GPATCH8: variants seen among roughly 807,000 people sequenced by gnomAD.
GPATCH8 encodes the protein G-patch domain containing 8.
GPATCH8 carries 18 observed loss-of-function variants against 118.3 expected under a neutral mutation model. The ratio of observed to expected loss-of-function variants is 0.15; its 90% CI spans 0.11 to 0.23. GPATCH8 has a LOEUF of 0.23. Among genes scored for constraint, GPATCH8 ranks in the 10% least tolerant of loss-of-function variants. The probability of loss-of-function intolerance (pLI) is 1.00; values close to 1 mark genes in which losing one functional copy is unlikely to be tolerated. For missense variants in GPATCH8, 1,631 were observed against 1,873.8 expected (o/e 0.87, Z 2.39); for synonymous variants, 659 against 684.7 (o/e 0.96, Z 0.59).
intron 3 of GPATCH8, among the ~76,000 whole-genome samples, chr17:44,446,175 C>G (rs2050873520): frequency 6.6e-6 from 1 of 151,746 alleles, no homozygotes; most frequent in Non-Finnish European, 1.5e-5. Flanking sequence ...GTTTCAAACT[C>G]CTAGCCTCGA....
At chr17:44,418,632 T>C (rs2143838226) in intron 6 of GPATCH8, among the ~76,000 whole-genome samples, 2 of 152,236 alleles carry the variant, frequency 1.3e-5, no homozygotes, top group Admixed American at 1.3e-4. Flanking sequence ...TTTGTATTTT[T>C]AGTAGAGAGG....
At position 44,396,379 on chromosome 17, in the gene GPATCH8, A is replaced by G. The variant is rs1337842627; in HGVS notation, c.*1189T>C. On this transcript the variant is annotated 3_prime_UTR_variant, in exon 8 of 8. Transcript: ENST00000591680. ...ACTGTTAAAGATGAGCATCCCTCAG[A>G]AGCCCCCAGCTGACTGCTGCCCATT... 6.6e-6 allele frequency: 3 copies of G among 454,428 alleles called. No homozygotes were observed. Among genetic ancestry groups the G allele is most frequent in the African/African-American group, 6.0e-5 (3 of 50,008 alleles). The allele number at this position is 454,428 out of a possible 1,614,324, so 28.1% of individuals were successfully genotyped here. A position where few individuals can be genotyped will look rare whatever the true frequency, so the allele number is the denominator to read the frequency against.
chr17:44,444,824 GTT>G (rs1461634103), intron 3 of GPATCH8, among the ~76,000 whole-genome samples: 3 of 152,232 alleles, frequency 2.0e-5, no homozygotes, highest in Non-Finnish European at 4.4e-5. Context: ...TTTTACTTAT[GTT>G]TATATCCATA....
At chr17:44,439,764 T>C (rs1239491966) in intron 3 of GPATCH8, among the ~76,000 whole-genome samples, 1 of 151,988 alleles carries the variant, frequency 6.6e-6, no homozygotes, top group Non-Finnish European at 1.5e-5. Context: ...TGCTAATATG[T>C]ATTCTCTAGA....
At chr17:44,429,735 G>A (rs1234567321) in intron 5 of GPATCH8, among the ~76,000 whole-genome samples, 6 of 151,746 alleles carry the variant, frequency 4.0e-5, no homozygotes, top group East Asian at 3.9e-4. Flanking sequence ...ATGGTGGCAC[G>A]TGTCTGTAAT....
intron 3 of GPATCH8, among the ~76,000 whole-genome samples, chr17:44,459,171 G>A (rs2144255380): frequency 6.6e-6 from 1 of 152,122 alleles, no homozygotes; most frequent in South Asian, 2.1e-4. Flanking sequence ...GGGATTTAGG[G>A]GCTCTAAAAC....
At chr17:44,458,862 T>C (rs773265968) in intron 3 of GPATCH8, among the ~76,000 whole-genome samples, 9 of 152,224 alleles carry the variant, frequency 5.9e-5, no homozygotes, top group Non-Finnish European at 1.2e-4. Flanking sequence ...TTTTGGGTTA[T>C]GCTCAGAAAA....
rs770107270 is a variant in GPATCH8 at position 44,396,249 on chromosome 17, A to C, written c.*1319T>G. 1 of 454,506 alleles carries C rather than the reference A, an allele frequency of 2.2e-6. No individual in the cohort carries two copies. Among genetic ancestry groups the C allele is most frequent in the South Asian group, 1.6e-5 (1 of 64,474 alleles). 28.2% of individuals were successfully genotyped at this position (454,506 alleles called of 1,614,324 possible). ...AACCCAGGAATCCCCCCAGACAATC[A>C]CCAAATCTCACTGCTTCCAGACAAT... On this transcript the variant is annotated 3_prime_UTR_variant, in exon 8 of 8. Coordinates refer to ENST00000591680, the MANE Select transcript of GPATCH8 (RefSeq NM_001002909.4).
chr17:44,432,507 G>A (rs2050356018), intron 5 of GPATCH8, among the ~76,000 whole-genome samples: 1 of 152,178 alleles, frequency 6.6e-6, no homozygotes, highest in African/African-American at 2.4e-5. Flanking sequence ...GAGGTTGGCA[G>A]AAAGGGTATA....
intron 1 of GPATCH8, among the ~76,000 whole-genome samples, chr17:44,499,317 A>G (rs1488076189): frequency 6.6e-6 from 1 of 152,108 alleles, no homozygotes; most frequent in Non-Finnish European, 1.5e-5. Context: ...AAAATACAAA[A>G]AAATTAGCTG....
At chr17:44,486,320 A>G (rs1349387535) in intron 1 of GPATCH8, 1 of 151,956 alleles carries the variant, frequency 6.6e-6, no homozygotes, top group East Asian at 1.9e-4. Context: ...ACTTGGGCCC[A>G]AGCAGTCCTG....
intron 2 of GPATCH8, among the ~76,000 whole-genome samples, chr17:44,472,582 A>G (rs1296452872): frequency 2.0e-5 from 3 of 152,232 alleles, no homozygotes; most frequent in African/African-American, 7.2e-5. Flanking sequence ...ACAGAATTAT[A>G]GCTTGTGTAA....
chr17:44,501,009 G>A (rs1970020501), intron 1 of GPATCH8, among the ~76,000 whole-genome samples: 1 of 152,048 alleles, frequency 6.6e-6, no homozygotes, highest in South Asian at 2.1e-4. Context: ...TTCAATGAAT[G>A]TACTTTAGAA....
At chr17:44,451,404 C>T (rs916257440) in intron 3 of GPATCH8, among the ~76,000 whole-genome samples, 1 of 152,028 alleles carries the variant, frequency 6.6e-6, no homozygotes, top group African/African-American at 2.4e-5. Context: ...AGATCTGGCA[C>T]CTTTTAAGCA....
intron 6 of GPATCH8, among the ~76,000 whole-genome samples, chr17:44,420,490 C>T (rs1217181979): frequency 6.6e-6 from 1 of 152,142 alleles, no homozygotes. Flanking sequence ...CATTGCTGGC[C>T]TCAACCTACT....
chr17:44,465,558 T>C (rs1025727014), intron 2 of GPATCH8: 3 of 152,110 alleles, frequency 2.0e-5, no homozygotes, highest in African/African-American at 7.2e-5. Context: ...TCAGAAAAAA[T>C]GATCATATTC....
chr17:44,464,646 T>C lies in GPATCH8; in HGVS notation c.121-102A>G. 12 of 791,154 alleles carry C rather than the reference T, an allele frequency of 1.5e-5. No homozygotes were observed. The South Asian group carries it at 1.6e-4, about 11-fold the overall frequency. 49.0% of individuals were successfully genotyped at this position (791,154 alleles called of 1,614,324 possible). On this transcript the variant is annotated intron_variant, in intron 2 of 7. Transcript: ENST00000591680. ...ATGATGAGCAAGAGATACTTCTACA[T>C]ATATGCATGCAAAAAGGTGCTAATA...
chr17:44,479,616 CCA>C (rs1968050103), intron 1 of GPATCH8, among the ~76,000 whole-genome samples: 1 of 152,170 alleles, frequency 6.6e-6, no homozygotes, highest in South Asian at 2.1e-4. Flanking sequence ...ATCTTTGTGA[CCA>C]CAGGCTAGGC....
At chr17:44,436,756 G>T in intron 3 of GPATCH8, 1 of 584,794 alleles carries the variant, frequency 1.7e-6, no homozygotes, top group Non-Finnish European at 3.1e-6. Context: ...ACGTCCAGTT[G>T]GGATTAATTT....
Sources: gnomAD v4.1 joint callset for allele counts (sites outside exome capture counted in the v4.1 genomes callset) on GRCh38, gnomAD v4.1.1 for gene constraint, MANE v1.5 for transcripts, NCBI Gene and HGNC (gene_info 2026-07-23, HGNC 2026-07-21) for gene names.